CHORDC1: variants seen among roughly 807,000 people sequenced by gnomAD.
The protein encoded by CHORDC1 is cysteine and histidine-rich domain-containing protein 1.
In CHORDC1, 25 loss-of-function variants were observed where a neutral mutation model predicts 48.3. That is an observed-to-expected ratio of 0.52 (90% CI 0.38 to 0.72). The LOEUF (loss-of-function observed/expected upper bound fraction) is 0.72, where lower values mean the gene tolerates loss of function less well. CHORDC1 is among the 30% of genes least tolerant of loss of function. The pLI, the probability that CHORDC1 is intolerant of heterozygous loss-of-function variation, is 0.00. For synonymous variants in CHORDC1, 128 were observed against 126.4 expected (o/e 1.01, Z -0.09); for missense variants, 317 against 388.7 (o/e 0.82, Z 1.55).
chr11:90,213,297 G>C, intron 4 of CHORDC1: 1 of 620,198 alleles, frequency 1.6e-6, no homozygotes, highest in Non-Finnish European at 2.9e-6. Context: ...TGAGTTCATA[G>C]CATGAATAAA....
chr11:90,202,458 C>T lies in CHORDC1; in HGVS notation c.946G>A (p.Glu316Lys). Residue 316 changes from glutamate (E) to lysine (K), a missense_variant, in exon 11 of 11, where the codon GAA (glutamate) becomes AAA (lysine). Coordinates refer to ENST00000320585, the MANE Select transcript of CHORDC1 (RefSeq NM_012124.3). ...KAEPMQWASL[E>K]LPAAKKQEKQ... ...TCCTGCTTTTTAGCTGCAGGCAGTT[C>T]AAGGCTTGCCCACTGCATCGGTTCA... 1 of 1,612,090 alleles carries T rather than the reference C, an allele frequency of 6.2e-7. No homozygotes were observed. The highest frequency in any genetic ancestry group is 1.1e-5 in the South Asian group (1 of 90,994).
intron 4 of CHORDC1, 106 bp downstream of exon 4, chr11:90,213,912 C>T (rs1023129036): frequency 1.7e-5 from 17 of 975,276 alleles, no homozygotes; most frequent in Admixed American, 1.7e-4. Context: ...GCTTGGTGGC[C>T]TACATAGTAG....
intron 10 of CHORDC1, 78 bp downstream of exon 10, chr11:90,202,735 T>C: frequency 6.7e-7 from 1 of 1,484,466 alleles, no homozygotes; most frequent in Non-Finnish European, 9.1e-7. Context: ...GCATCAATGT[T>C]TACTGAAGAA....
At chr11:90,217,445 A>T (rs886332454) in intron 2 of CHORDC1, among the ~76,000 whole-genome samples, 9 of 152,182 alleles carry the variant, frequency 5.9e-5, no homozygotes, top group Admixed American at 2.6e-4. Context: ...TCTCCAGAAC[A>T]TCCAAGAAGT....
At chr11:90,214,466 G>T (rs1429162411) in intron 3 of CHORDC1, among the ~76,000 whole-genome samples, 3 of 151,952 alleles carry the variant, frequency 2.0e-5, no homozygotes, top group African/African-American at 7.2e-5. Context: ...ATCTCACAAA[G>T]AACTGTAAAA....
chr11:90,218,294 G>A, intron 1 of CHORDC1, 110 bp from the exon 2 acceptor site: 1 of 722,438 alleles, frequency 1.4e-6, no homozygotes, highest in Non-Finnish European at 2.2e-6. Context: ...CCAAACGCAA[G>A]TACCTTAAAA....
intron 2 of CHORDC1, 24 bp downstream of exon 2, chr11:90,218,111 A>G: frequency 6.6e-7 from 1 of 1,520,610 alleles, no homozygotes; most frequent in Non-Finnish European, 8.9e-7. Flanking sequence ...ACAGATATGA[A>G]AAAAATGAAA....
In CHORDC1 at chr11:90,202,355, C is replaced by G; in HGVS notation, c.*50G>C. On this transcript the variant is annotated 3_prime_UTR_variant, in exon 11 of 11. Transcript: ENST00000320585. ...TACAGCAGCAAGCCACCACTTCACACAGTATTAAAAATTCGGAAATAATGT... is the reference window on the plus strand; with the variant it reads ...TACAGCAGCAAGCCACCACTTCACAGAGTATTAAAAATTCGGAAATAATGT... 6.5e-7 allele frequency: 1 copy of G among 1,542,114 alleles called. No homozygotes were observed. Among genetic ancestry groups the G allele is most frequent in the Non-Finnish European group, 8.9e-7 (1 of 1,119,954 alleles).
At chr11:90,219,679 G>C (rs1316158915) in intron 1 of CHORDC1, among the ~76,000 whole-genome samples, 1 of 152,196 alleles carries the variant, frequency 6.6e-6, no homozygotes, top group Admixed American at 6.5e-5. Flanking sequence ...TTCCCGTAAG[G>C]AATACTTTTA....
intron 2 of CHORDC1, among the ~76,000 whole-genome samples, chr11:90,215,914 A>G (rs1261926554): frequency 6.6e-6 from 1 of 151,870 alleles, no homozygotes; most frequent in Non-Finnish European, 1.5e-5. Flanking sequence ...ATTTGGGACT[A>G]AATTCAGATT....
chr11:90,218,247 G>T lies in CHORDC1; in HGVS notation c.65-63C>A, dbSNP rs1020371619. 4.1e-6 allele frequency: 5 copies of T among 1,206,696 alleles called. No individual in the cohort carries two copies. The South Asian group carries it at 4.3e-5, about 10-fold the overall frequency. 74.7% of individuals were successfully genotyped at this position (1,206,696 alleles called of 1,614,324 possible). ...TTATAATGAAGAAAAATATATACAT[G>T]ATCATCTCCTTAAGGTGTTAACCTT... On this transcript the variant is annotated intron_variant, in intron 1 of 10. Transcript: ENST00000320585.
intron 2 of CHORDC1, among the ~76,000 whole-genome samples, chr11:90,217,016 T>TA (rs1858029168): frequency 6.6e-6 from 1 of 151,412 alleles, no homozygotes; most frequent in African/African-American, 2.4e-5. Flanking sequence ...AAAAGAAAAA[T>TA]AAACATTTCC....
chr11:90,222,746 G>A (rs1180877474), intron 1 of CHORDC1, 145 bp downstream of exon 1: 2 of 778,002 alleles, frequency 2.6e-6, no homozygotes, highest in Non-Finnish European at 4.5e-6. Flanking sequence ...GGGCTGCGCG[G>A]GCAGCCAAGG....
intron 4 of CHORDC1, chr11:90,212,588 A>G (rs1378351360): frequency 6.6e-6 from 1 of 152,082 alleles, no homozygotes; most frequent in African/African-American, 2.4e-5. Flanking sequence ...CCTGGGTAAG[A>G]GAGGGACTTT....
chr11:90,222,477 G>A lies in CHORDC1; in HGVS notation c.64+414C>T, dbSNP rs1053522346. On this transcript the variant is annotated intron_variant, in intron 1 of 10. Transcript: ENST00000320585. ...CCCGGCCACCTCTCCCTCTCGCGCAGGCAATCACAGCCATCACTACTTCGG... is the reference window on the plus strand; with the variant it reads ...CCCGGCCACCTCTCCCTCTCGCGCAAGCAATCACAGCCATCACTACTTCGG... 5.1e-4 allele frequency: 192 copies of A among 372,930 alleles called. 1 individual carries two copies. Among genetic ancestry groups the A allele is most frequent in the Non-Finnish European group, 7.4e-4 (143 of 192,922 alleles). The allele number at this position is 372,930 out of a possible 1,614,324, so 23.1% of individuals were successfully genotyped here. A position where few individuals can be genotyped will look rare whatever the true frequency, so the allele number is the denominator to read the frequency against.
chr11:90,203,620 A>G (rs1857595907), intron 8 of CHORDC1, among the ~76,000 whole-genome samples, 193 bp from the exon 9 acceptor site: 1 of 152,190 alleles, frequency 6.6e-6, no homozygotes, highest in Non-Finnish European at 1.5e-5. Context: ...GATTCTTCAT[A>G]AATTTTATGA....
chr11:90,206,190 T>C lies in CHORDC1; in HGVS notation c.563+12A>G, dbSNP rs771448827. On this transcript the variant is annotated intron_variant, in intron 7 of 10. Transcript: ENST00000320585. ...TACCATAAACTATTTTAATAAGTCA[T>C]GCATAAGTTACCCCTCATGGAAAAT... The C allele has an allele frequency of 7.1e-7, 1 of 1,417,164 alleles. No homozygotes were observed. Among genetic ancestry groups the C allele is most frequent in the Non-Finnish European group, 1.0e-6 (1 of 1,001,580 alleles). 87.8% of individuals were successfully genotyped at this position (1,417,164 alleles called of 1,614,324 possible).
At position 90,210,639 on chromosome 11, in the gene CHORDC1, C is replaced by G. The variant is rs376278132; in HGVS notation, c.434-45G>C. Reference sequence around the variant, plus strand: ...ATCAAATTAAAAAGTTAAAATAGAACTTCGCTGTGGCATCATTCTTAAAAA... The same window carrying G: ...ATCAAATTAAAAAGTTAAAATAGAAGTTCGCTGTGGCATCATTCTTAAAAA... On this transcript the variant is annotated intron_variant, in intron 5 of 10. Transcript: ENST00000320585. The G allele has an allele frequency of 3.2e-6, 4 of 1,240,106 alleles. No homozygotes were observed. The African/African-American group carries it at 4.5e-5, about 14-fold the overall frequency. The allele number at this position is 1,240,106 out of a possible 1,614,324, so 76.8% of individuals were successfully genotyped here.
At chr11:90,215,771 A>G (rs1857994201) in intron 2 of CHORDC1, among the ~76,000 whole-genome samples, 1 of 152,038 alleles carries the variant, frequency 6.6e-6, no homozygotes, top group Admixed American at 6.5e-5. Context: ...AACTATTAGT[A>G]TTTGTGATTT....
Sources: allele counts gnomAD v4.1 joint callset (sites outside exome capture counted in the v4.1 genomes callset), GRCh38; gene constraint gnomAD v4.1.1; transcripts MANE v1.5; gene names NCBI Gene and HGNC (gene_info 2026-07-23, HGNC 2026-07-21).